SMARCA4: variants seen among roughly 807,000 people sequenced by gnomAD.
SMARCA4 encodes the protein SWI/SNF-related matrix-associated actin-dependent regulator of chromatin subfamily A member 4.
Under a neutral mutation model 193.9 loss-of-function variants are expected in SMARCA4, and 31 were observed. That is an observed-to-expected ratio of 0.16 (90% CI 0.12 to 0.22). The LOEUF (loss-of-function observed/expected upper bound fraction) is 0.22. Ranked by LOEUF, SMARCA4 falls within the 10% of genes least tolerant of loss-of-function variation. The pLI, the probability that SMARCA4 is intolerant of heterozygous loss-of-function variation, is 1.00. For missense variants in SMARCA4, 1,148 were observed against 2,296.0 expected (o/e 0.50, Z 10.22); for synonymous variants, 942 against 933.1 (o/e 1.01, Z -0.17).
chr19:10,986,428 C>A lies in SMARCA4; in HGVS notation c.595C>A (p.His199Asn), dbSNP rs2145779721. 1 of 1,574,436 alleles carries A rather than the reference C, an allele frequency of 6.4e-7. No homozygotes were observed. Among genetic ancestry groups the A allele is most frequent in the Non-Finnish European group, 8.6e-7 (1 of 1,160,582 alleles). ...GGCCAGGGGGCAGCCCCTCCCCGACCACCTGCAGATGGCGGTGCAGGGCAA... is the reference window on the plus strand; with the variant it reads ...GGCCAGGGGGCAGCCCCTCCCCGACAACCTGCAGATGGCGGTGCAGGGCAA... The part of the protein sequence containing the change: ...MLARGQPLPD[H>N]LQMAVQGKRP... The change falls in exon 4 of 35, where the codon CAC becomes AAC. Residue 199 changes from histidine (H) to asparagine (N), a missense_variant. By Grantham distance (68) the His-to-Asn change is moderately conservative. Transcript: ENST00000344626. The surrounding 1 kb of genome is among the most constrained non-coding windows in gnomAD (Gnocchi z 6.7).
rs1366645677 is a variant in SMARCA4 at position 11,030,228 on chromosome 19, G to A, written c.3383-502G>A. Among the ~76,000 whole-genome samples the A allele has an allele frequency of 6.6e-6, 1 of 152,210 alleles. No individual in the cohort carries two copies. Among genetic ancestry groups the A allele is most frequent in the Non-Finnish European group, 1.5e-5 (1 of 68,038 alleles). ...GCTTTTACCGTAGAAGATTCTCTTTGTGAACCACAAAACTTTTTGAGACAG... is the reference window on the plus strand; with the variant it reads ...GCTTTTACCGTAGAAGATTCTCTTTATGAACCACAAAACTTTTTGAGACAG... On this transcript the variant is annotated intron_variant, in intron 24 of 34. Transcript: ENST00000344626. This position sits in a 1 kb window ranked among gnomAD's most constrained non-coding sequence, Gnocchi z 5.5.
rs975701850 is a variant in SMARCA4, at chr19:11,059,043, G to A, written c.4635+154G>A. On this transcript the variant is annotated intron_variant, in intron 32 of 34. Coordinates refer to ENST00000344626, the MANE Select transcript of SMARCA4 (RefSeq NM_003072.5). ...TAATCCCAGCACTTTGGGAGGCCAA[G>A]GCGGGAGGATCACTTGAGACCAGGA... 5 of 657,180 alleles carry A rather than the reference G, an allele frequency of 7.6e-6. No homozygotes were observed. In the Admixed American group the frequency reaches 1.1e-4, roughly 14 times the overall value. 40.7% of individuals were successfully genotyped at this position (657,180 alleles called of 1,614,324 possible).
intron 21 of SMARCA4, among the ~76,000 whole-genome samples, chr19:11,024,894 G>A (rs1425723866): frequency 6.6e-6 from 1 of 151,912 alleles, no homozygotes; most frequent in Non-Finnish European, 1.5e-5. Context: ...CCTCGGCCTG[G>A]CTTCCCCGAG....
chr19:10,983,828 C>T (rs1427232825), intron 1 of SMARCA4: 1 of 489,834 alleles, frequency 2.0e-6, no homozygotes, highest in Non-Finnish European at 3.8e-6. Context: ...CCCCCTGAGA[C>T]ACCCTCTGCC....
intron 30 of SMARCA4, among the ~76,000 whole-genome samples, chr19:11,046,412 G>A (rs1008007265): frequency 1.3e-5 from 2 of 152,306 alleles, no homozygotes; most frequent in South Asian, 2.1e-4. Flanking sequence ...GCCTCAGTGG[G>A]GGATTTGATC....
In SMARCA4 at chr19:11,061,999, G is replaced by C; in HGVS notation, c.*183G>C. 1 of 652,690 alleles carries C rather than the reference G, an allele frequency of 1.5e-6. No homozygotes were observed. The allele number at this position is 652,690 out of a possible 1,614,324, so 40.4% of individuals were successfully genotyped here. A position where few individuals can be genotyped will look rare whatever the true frequency, so the allele number is the denominator to read the frequency against. ...GACTGTTTGTGACTGGCCCTGTCCT[G>C]GCATCAGTAGCATCTGTAACAGCAT... On this transcript the variant is annotated 3_prime_UTR_variant, in exon 35 of 35. Coordinates refer to ENST00000344626, the MANE Select transcript of SMARCA4 (RefSeq NM_003072.5).
chr19:11,012,917 C>T (rs2146274953), intron 15 of SMARCA4, 32 bp from the exon 16 acceptor site: 12 of 1,613,200 alleles, frequency 7.4e-6, no homozygotes, highest in South Asian at 1.1e-5. Flanking sequence ...ACCCGGCCTT[C>T]AGTCCTGGCG....
chr19:11,014,968 A>G (rs958196525), intron 16 of SMARCA4, among the ~76,000 whole-genome samples: 1 of 151,956 alleles, frequency 6.6e-6, no homozygotes, highest in East Asian at 1.9e-4. Context: ...ACGCGCCACC[A>G]TGTCCGGCTA....
At position 11,021,940 on chromosome 19, in the gene SMARCA4, C is replaced by T. The variant is rs764939990; in HGVS notation, c.2832C>T (p.Asn944=). 64 of 1,612,746 alleles carry T rather than the reference C, an allele frequency of 4.0e-5. No individual in the cohort carries two copies. The highest frequency in any genetic ancestry group is 8.3e-5 in the Admixed American group (5 of 60,014). ...GCAGCACCTTCGAGCAGTGGTTTAA[C>T]GCACCCTTTGCCATGACCGGGGAAA... ...KSCSTFEQWF[N]APFAMTGEKV... is the part of the protein sequence containing the mutation. The change falls in exon 19 of 35, where the codon AAC becomes AAT. Residue 944 remains asparagine (N), a synonymous_variant. Transcript: ENST00000344626.
intron 23 of SMARCA4, 63 bp from the exon 24 acceptor site, chr19:11,027,721 C>G (rs2090365551): frequency 6.3e-7 from 1 of 1,592,544 alleles, no homozygotes; most frequent in Non-Finnish European, 8.6e-7. Flanking sequence ...TCCTGCCTTA[C>G]CTGCCTGCAG....
intron 30 of SMARCA4, among the ~76,000 whole-genome samples, chr19:11,051,887 G>C (rs1293604208): frequency 6.6e-6 from 1 of 152,076 alleles, no homozygotes; most frequent in Non-Finnish European, 1.5e-5. Flanking sequence ...CACGAGGTCA[G>C]GAGTTCAAGA....
At chr19:11,061,204 A>ATATATATATATATAT (rs1471127800) in intron 34 of SMARCA4, among the ~76,000 whole-genome samples, 1 of 45,224 alleles carries the variant, frequency 2.2e-5, no homozygotes, top group Non-Finnish European at 3.8e-5. Context: ...AAAAAAAAAA[A>ATATATATATATATAT]ATATATATAT....
In SMARCA4 at chr19:11,021,797, C is replaced by T. The variant is rs2089894281; in HGVS notation, c.2689C>T (p.Leu897Phe). The T allele has an allele frequency of 1.2e-6, 2 of 1,613,674 alleles. No individual in the cohort carries two copies. Residue 897 changes from leucine to phenylalanine, a missense_variant, in exon 19 of 35, where the codon CTC becomes TTC. Coordinates refer to ENST00000344626, the MANE Select transcript of SMARCA4 (RefSeq NM_003072.5). ...CCACCACTGCAAGCTGACGCAGGTG[C>T]TCAACACGCACTATGTGGCACCCCG... ...KNHHCKLTQV[L>F]NTHYVAPRRL...
chr19:10,962,797 C>T (rs1324257274), intron 1 of SMARCA4, among the ~76,000 whole-genome samples: 1 of 151,236 alleles, frequency 6.6e-6, no homozygotes, highest in Non-Finnish European at 1.5e-5. Context: ...CCCACCTCGG[C>T]CTCCCAAAGT....
chr19:11,052,701 G>T (rs2076328146), intron 30 of SMARCA4, among the ~76,000 whole-genome samples: 1 of 152,200 alleles, frequency 6.6e-6, no homozygotes, highest in Non-Finnish European at 1.5e-5. Flanking sequence ...CAGTAGTGAT[G>T]AATTCAGAAA....
chr19:10,981,588 G>A (rs1235475045), intron 1 of SMARCA4, among the ~76,000 whole-genome samples: 4 of 152,200 alleles, frequency 2.6e-5, no homozygotes, highest in Non-Finnish European at 5.9e-5. Context: ...CCAGCCACTG[G>A]TTCCTCCCCT....
intron 1 of SMARCA4, among the ~76,000 whole-genome samples, chr19:10,971,246 G>A (rs908325453): frequency 4.6e-5 from 7 of 151,996 alleles, no homozygotes; most frequent in Admixed American, 4.6e-4. Flanking sequence ...CCCTGCTCCA[G>A]CCACACTGGC....
chr19:11,039,596 A>G, intron 29 of SMARCA4: 5 of 1,194,722 alleles, frequency 4.2e-6, no homozygotes, highest in Non-Finnish European at 5.9e-6. Context: ...GGGCTGCACA[A>G]CACTGGGGAC....
chr19:10,985,776 T>C lies in SMARCA4; in HGVS notation c.355+371T>C, dbSNP rs112641635. On this transcript the variant is annotated intron_variant, in intron 3 of 34. Coordinates refer to ENST00000344626, the MANE Select transcript of SMARCA4 (RefSeq NM_003072.5). The surrounding 1 kb of genome is among the most constrained non-coding windows in gnomAD (Gnocchi z 4.5). ...GGTGCCTTTTCTGTACGAGGACAAT[T>C]GAGAAGTGATATGGTGGGTGACTTT... Among the ~76,000 whole-genome samples, 815 of 152,110 alleles carry C rather than the reference T, an allele frequency of 5.4e-3. 13 individuals carry two copies. The highest frequency in any genetic ancestry group is 0.017 in the African/African-American group (699 of 41,486).
Sources: allele counts gnomAD v4.1 joint callset (sites outside exome capture counted in the v4.1 genomes callset), GRCh38; gene constraint gnomAD v4.1.1; non-coding constraint Gnocchi (gnomAD v3.1); transcripts MANE v1.5; gene names NCBI Gene and HGNC (gene_info 2026-07-23, HGNC 2026-07-21).